MORF4L1: variants seen among roughly 807,000 people sequenced by gnomAD.
MORF4L1 encodes mortality factor 4 like 1, also known as mortality factor 4-like protein 1.
In MORF4L1, 4 loss-of-function variants were observed where a neutral mutation model predicts 52.9. That is an observed-to-expected ratio of 0.08 (90% CI 0.04 to 0.17). The LOEUF (loss-of-function observed/expected upper bound fraction) is 0.17. Ranked by LOEUF, MORF4L1 falls within the 10% of genes least tolerant of loss-of-function variation. The pLI, the probability that MORF4L1 is intolerant of heterozygous loss-of-function variation, is 1.00. For missense variants in MORF4L1, 214 were observed against 390.4 expected, an observed-to-expected ratio of 0.55 and a Z score of 3.81; for synonymous variants, 123 against 134.8, an observed-to-expected ratio of 0.91 and a Z score of 0.61.
chr15:78,876,129 G>GGTTT (rs1027345476), intron 1 of MORF4L1, among the ~76,000 whole-genome samples: 11 of 151,766 alleles, frequency 7.2e-5, no homozygotes, highest in African/African-American at 2.7e-4. Flanking sequence ...GTAGAGACGG[G>GGTTT]GTTTCACCAT....
chr15:78,873,426 G>A (rs2056409799), intron 1 of MORF4L1, among the ~76,000 whole-genome samples: 1 of 152,062 alleles, frequency 6.6e-6, no homozygotes, highest in Non-Finnish European at 1.5e-5. Context: ...CGGGGGGGGA[G>A]GGGCGGTGGC....
At chr15:78,888,726 A>T (rs1480023967) in intron 5 of MORF4L1, among the ~76,000 whole-genome samples, 1 of 152,216 alleles carries the variant, frequency 6.6e-6, no homozygotes, top group Non-Finnish European at 1.5e-5. Context: ...TCTTAAAAAA[A>T]GTAAGGTGTT....
At chr15:78,888,871 A>G (rs539041318) in intron 5 of MORF4L1, among the ~76,000 whole-genome samples, 34 of 152,310 alleles carry the variant, frequency 2.2e-4, no homozygotes, top group Non-Finnish European at 3.7e-4. Flanking sequence ...CATAGTTTTA[A>G]TAAGTGGTAA....
At chr15:78,891,333 T>C in intron 6 of MORF4L1, 151 bp from the exon 7 acceptor site, 1 of 683,390 alleles carries the variant, frequency 1.5e-6, no homozygotes, top group East Asian at 2.7e-5. Context: ...GAAAGTTGTA[T>C]TTTTGGTAGG....
chr15:78,873,266 G>A, intron 1 of MORF4L1: 2 of 1,473,210 alleles, frequency 1.4e-6, no homozygotes, highest in East Asian at 2.6e-5. Flanking sequence ...TGCTGCGCAG[G>A]CGTTAGAGTG....
At chr15:78,885,359 A>C (rs1192691107) in intron 3 of MORF4L1, among the ~76,000 whole-genome samples, 1 of 152,250 alleles carries the variant, frequency 6.6e-6, no homozygotes, top group Non-Finnish European at 1.5e-5. Context: ...GGGAAAAAAC[A>C]CATAATCAGA....
At chr15:78,879,134 G>A (rs1425539436) in intron 2 of MORF4L1, among the ~76,000 whole-genome samples, 2 of 152,086 alleles carry the variant, frequency 1.3e-5, no homozygotes, top group Non-Finnish European at 1.5e-5. Context: ...TACTCAGAAG[G>A]CTGAGGCTAG....
chr15:78,886,572 G>A (rs1261846191), intron 4 of MORF4L1, among the ~76,000 whole-genome samples: 1 of 152,096 alleles, frequency 6.6e-6, no homozygotes, highest in East Asian at 1.9e-4. Context: ...TTCCTATTCT[G>A]CTTTTCATCT....
intron 5 of MORF4L1, among the ~76,000 whole-genome samples, chr15:78,888,793 T>A (rs2056750155): frequency 6.6e-6 from 1 of 152,172 alleles, no homozygotes; most frequent in Non-Finnish European, 1.5e-5. Flanking sequence ...CTTTTTATTT[T>A]TTTTTAAACT....
rs55673035 is a variant in MORF4L1, at chr15:78,889,643, G to C, written c.324-1346G>C. Reference sequence around the variant, plus strand: ...TTGACACGTGCAAGTAAAGTTCATGGTTGACTTTGACCGAGAAATACAGTC... The same window carrying C: ...TTGACACGTGCAAGTAAAGTTCATGCTTGACTTTGACCGAGAAATACAGTC... On this transcript the variant is annotated intron_variant, in intron 5 of 11. Coordinates refer to ENST00000426013, the MANE Select transcript of MORF4L1 (RefSeq NM_006791.4). Among the ~76,000 whole-genome samples the C allele has an allele frequency of 4.4e-3, 665 of 152,192 alleles. 5 individuals are homozygous for C. The highest frequency in any genetic ancestry group is 0.015 in the African/African-American group (617 of 41,514).
intron 3 of MORF4L1, among the ~76,000 whole-genome samples, chr15:78,882,345 A>G (rs2056618202): frequency 7.2e-6 from 1 of 139,330 alleles, no homozygotes; most frequent in African/African-American, 2.8e-5. Flanking sequence ...ATGTATTTCT[A>G]ATAATGATAG....
chr15:78,886,437 AG>A, intron 4 of MORF4L1: 1 of 559,068 alleles, frequency 1.8e-6, no homozygotes, highest in Non-Finnish European at 3.3e-6. Flanking sequence ...AGCTTATCTT[AG>A]ACCTAGGTAG....
intron 8 of MORF4L1, 133 bp from the exon 9 acceptor site, chr15:78,893,406 T>C (rs139094397): frequency 1.3e-5 from 8 of 612,192 alleles, no homozygotes; most frequent in Non-Finnish European, 2.1e-5. Context: ...ATCCATGTTT[T>C]AAGTGCTGAA....
At chr15:78,878,798 T>A (rs2056543713) in intron 2 of MORF4L1, among the ~76,000 whole-genome samples, 1 of 151,974 alleles carries the variant, frequency 6.6e-6, no homozygotes, top group Non-Finnish European at 1.5e-5. Flanking sequence ...CATTCCAAAG[T>A]AAAAAAAAGT....
chr15:78,878,831 C>T (rs919181792), intron 2 of MORF4L1, among the ~76,000 whole-genome samples: 6 of 152,058 alleles, frequency 3.9e-5, no homozygotes, highest in African/African-American at 1.2e-4. Flanking sequence ...TTTCTGATAA[C>T]TTTTTTAGTA....
At chr15:78,878,112 T>C in intron 1 of MORF4L1, 101 bp from the exon 2 acceptor site, 1 of 1,200,346 alleles carries the variant, frequency 8.3e-7, no homozygotes, top group Non-Finnish European at 1.2e-6. Flanking sequence ...TTTCCTAATT[T>C]GGCTAGGAAT....
At chr15:78,877,371 C>T (rs1218852245) in intron 1 of MORF4L1, among the ~76,000 whole-genome samples, 10 of 152,160 alleles carry the variant, frequency 6.6e-5, no homozygotes, top group Admixed American at 2.0e-4. Context: ...CCAGCCACCT[C>T]GGCCTCCCTA....
chr15:78,884,676 C>T (rs1452438610), intron 3 of MORF4L1, among the ~76,000 whole-genome samples: 18 of 143,698 alleles, frequency 1.3e-4, no homozygotes, highest in South Asian at 2.2e-4. Context: ...CACACACACA[C>T]ACACACACAC....
intron 5 of MORF4L1, among the ~76,000 whole-genome samples, chr15:78,889,344 CTT>C (rs1250865034): frequency 6.6e-6 from 1 of 152,100 alleles, no homozygotes; most frequent in Non-Finnish European, 1.5e-5. Flanking sequence ...AGATTCCAGA[CTT>C]TTTTTGGATT....
Sources: allele counts gnomAD v4.1 joint callset (sites outside exome capture counted in the v4.1 genomes callset), GRCh38; gene constraint gnomAD v4.1.1; transcripts MANE v1.5; gene names NCBI Gene and HGNC (gene_info 2026-07-23, HGNC 2026-07-21).